Variants in GTF2A1 observed in about 807,000 individuals in gnomAD.
GTF2A1 encodes general transcription factor IIA subunit 1, also known as transcription initiation factor IIA subunit 1.
Under a neutral mutation model 54.1 loss-of-function variants are expected in GTF2A1, and 12 were observed. The ratio of observed to expected loss-of-function variants is 0.22; its 90% confidence interval spans 0.14 to 0.36. The LOEUF (loss-of-function observed/expected upper bound fraction) is 0.36, where lower values mean the gene tolerates loss of function less well. GTF2A1 is among the 10% of genes least tolerant of loss of function. GTF2A1 has a pLI of 1.00. For missense variants in GTF2A1, 335 were observed against 442.2 expected (o/e 0.76, Z 2.17); for synonymous variants, 145 against 152.0 (o/e 0.95, Z 0.34).
At chr14:81,205,895 T>C (rs775704001) in intron 2 of GTF2A1, among the ~76,000 whole-genome samples, 1 of 152,172 alleles carries the variant, frequency 6.6e-6, no homozygotes, top group Admixed American at 6.5e-5. Flanking sequence ...ACATGCTAAA[T>C]AAAACACATT....
At position 81,178,401 on chromosome 14, in the gene GTF2A1, G is replaced by C. The variant is rs1892571236; in HGVS notation, c.*1822C>G. 6.6e-6 allele frequency: 1 copy of C among 152,040 alleles called. No individual in the cohort carries two copies. Among genetic ancestry groups the C allele is most frequent in the South Asian group, 2.1e-4 (1 of 4,824 alleles). 9.4% of individuals were successfully genotyped at this position (152,040 alleles called of 1,614,324 possible). A position where few individuals can be genotyped will look rare whatever the true frequency, so the allele number is the denominator to read the frequency against. ...TAATAATATATATTTTAAAACCTCT[G>C]TGTGCTTTGAGAGTCACAGAATAAA... is the stretch of plus-strand genomic sequence containing the variant. On this transcript the variant is annotated 3_prime_UTR_variant, in exon 9 of 9. Transcript: ENST00000553612.
chr14:81,206,518 G>A (rs928752224), intron 2 of GTF2A1, among the ~76,000 whole-genome samples: 4 of 152,098 alleles, frequency 2.6e-5, no homozygotes, highest in Admixed American at 1.3e-4. Context: ...ACATTCCAGC[G>A]GACACTTGCC....
At chr14:81,190,032 A>ACCTG (rs1892840603) in intron 7 of GTF2A1, among the ~76,000 whole-genome samples, 5 of 152,018 alleles carry the variant, frequency 3.3e-5, no homozygotes, top group Non-Finnish European at 7.4e-5. Context: ...CACAATAATT[A>ACCTG]TATTAGGAAT....
chr14:81,210,823 G>A (rs1299349741), intron 2 of GTF2A1, among the ~76,000 whole-genome samples: 1 of 152,048 alleles, frequency 6.6e-6, no homozygotes, highest in African/African-American at 2.4e-5. Flanking sequence ...CCAAAGTGCT[G>A]GAATTACAGG....
In GTF2A1 at chr14:81,217,943, G is replaced by A. The variant is rs749950556; in HGVS notation, c.31-1429C>T. 3.9e-5 allele frequency among the ~76,000 whole-genome samples: 6 copies of A among 152,000 alleles called. No homozygotes were observed. In the East Asian group the frequency reaches 7.7e-4, roughly 19 times the overall value. On this transcript the variant is annotated intron_variant, in intron 1 of 8. Coordinates refer to ENST00000553612, the MANE Select transcript of GTF2A1 (RefSeq NM_015859.4). ...TAACCTGCTTTATTTTGCCAAATCC[G>A]CCTCTTGAAGTTTATTCATCTGTAA...
At chr14:81,218,838 T>TG (rs1893543311) in intron 1 of GTF2A1, among the ~76,000 whole-genome samples, 1 of 150,628 alleles carries the variant, frequency 6.6e-6, no homozygotes, top group Non-Finnish European at 1.5e-5. Context: ...TTCCCTCTAC[T>TG]CACGATTCTC....
chr14:81,178,313 AG>A lies in GTF2A1; in HGVS notation c.*1909del. 1 of 152,294 alleles carries A rather than the reference AG, an allele frequency of 6.6e-6. No individual in the cohort carries two copies. Among genetic ancestry groups the A allele is most frequent in the South Asian group, 2.1e-4 (1 of 4,826 alleles). The allele number at this position is 152,294 out of a possible 1,614,324, so 9.4% of individuals were successfully genotyped here. ...ACAAACCTACTAGCAACTATATTGA[AG>A]AACAGTTGAACAACAGCACTTCTGT... is the stretch of plus-strand genomic sequence containing the variant. On this transcript the variant is annotated 3_prime_UTR_variant, in exon 9 of 9. Coordinates refer to ENST00000553612, the MANE Select transcript of GTF2A1 (RefSeq NM_015859.4).
chr14:81,190,996 A>G (rs991518982), intron 7 of GTF2A1, among the ~76,000 whole-genome samples: 41 of 152,308 alleles, frequency 2.7e-4, no homozygotes, highest in African/African-American at 9.6e-4. Flanking sequence ...TACTTCAAGA[A>G]GCACTGAAAC....
Position 81,192,515 on chromosome 14 carries a change from T to G in GTF2A1, c.933+4A>C. ...TTATTTTAAGTATGTTACTAGAAAC[T>G]TACTTCTTCCACCTGCCCATCTTCA... is the stretch of plus-strand genomic sequence containing the variant. On this transcript the variant is annotated splice_donor_region_variant and intron_variant, in intron 7 of 8. Transcript: ENST00000553612. 1 of 1,593,778 alleles carries G rather than the reference T, an allele frequency of 6.3e-7. No homozygotes were observed. The highest frequency in any genetic ancestry group is 8.6e-7 in the Non-Finnish European group (1 of 1,168,318).
intron 8 of GTF2A1, among the ~76,000 whole-genome samples, chr14:81,181,848 A>G (rs756825208): frequency 6.6e-6 from 1 of 152,158 alleles, no homozygotes; most frequent in Non-Finnish European, 1.5e-5. Context: ...GGCCAGGTAC[A>G]GATATTTTCT....
rs1484157247 is a variant in GTF2A1, at chr14:81,220,280, T to TCCCCGCGCCGCGAGCCCTCGGCGCCC, written c.30+183_30+208dup. 7.9e-5 allele frequency among the ~76,000 whole-genome samples: 8 copies of TCCCCGCGCCGCGAGCCCTCGGCGCCC among 101,690 alleles called. 1 individual carries two copies. In the East Asian group the frequency reaches 2.7e-3, roughly 34 times the overall value. 66.7% of individuals were successfully genotyped at this position (101,690 alleles called of 152,430 possible). On this transcript the variant is annotated intron_variant, in intron 1 of 8. Coordinates refer to ENST00000553612, the MANE Select transcript of GTF2A1 (RefSeq NM_015859.4). Reference sequence around the variant, plus strand: ...CCAGGCCCCACCGGCGCCCCCGCCCTCCCCGCGCCGCGAGCCCTCGGCGCC... The same window carrying TCCCCGCGCCGCGAGCCCTCGGCGCCC: ...CCAGGCCCCACCGGCGCCCCCGCCCTCCCCGCGCCGCGAGCCCTCGGCGCCCCCCCGCGCCGCGAGCCCTCGGCGCC...
intron 7 of GTF2A1, among the ~76,000 whole-genome samples, chr14:81,192,215 A>G (rs2140153718): frequency 6.6e-6 from 1 of 152,266 alleles, no homozygotes; most frequent in Middle Eastern, 3.4e-3. Context: ...TGTTTAAGCC[A>G]CATTATAAAT....
At chr14:81,187,245 C>A (rs900561717) in intron 7 of GTF2A1, among the ~76,000 whole-genome samples, 3 of 151,510 alleles carry the variant, frequency 2.0e-5, no homozygotes, top group Non-Finnish European at 4.4e-5. Context: ...GTCCCAGCTA[C>A]TCGGGAGGCT....
At position 81,220,503 on chromosome 14, in the gene GTF2A1, T is replaced by C. The variant is rs763824221; in HGVS notation, c.16A>G (p.Asn6Asp). ...CACGTCCTTACCACGGTGTTTGTATTTGCCGAGTTCGCCATTTCCACACAC... is the reference window on the plus strand; with the variant it reads ...CACGTCCTTACCACGGTGTTTGTATCTGCCGAGTTCGCCATTTCCACACAC... The part of the protein sequence containing the change: MANSA[N>D]TNTVPKLYRS... The change falls in exon 1 of 9, where the codon AAT becomes GAT. Residue 6 changes from asparagine (N) to aspartate (D), a missense_variant. Coordinates refer to ENST00000553612, the MANE Select transcript of GTF2A1 (RefSeq NM_015859.4). 2 of 1,580,596 alleles carry C rather than the reference T, an allele frequency of 1.3e-6. No individual in the cohort carries two copies. The highest frequency in any genetic ancestry group is 1.7e-6 in the Non-Finnish European group (2 of 1,163,042).
intron 7 of GTF2A1, among the ~76,000 whole-genome samples, chr14:81,186,517 T>A (rs1892749534): frequency 6.6e-6 from 1 of 151,950 alleles, no homozygotes; most frequent in Admixed American, 6.6e-5. Context: ...GGGGCCAAGA[T>A]AAAACCTAAC....
In GTF2A1 at chr14:81,193,167, C is replaced by CT. The variant is rs766925954; in HGVS notation, c.613-329dup. On this transcript the variant is annotated intron_variant, in intron 6 of 8. Coordinates refer to ENST00000553612, the MANE Select transcript of GTF2A1 (RefSeq NM_015859.4). ...TGAGAATCTGAAAACCTGGGTCTACCTTTTTTTTTTTTTTTTATAGATGGA... is the reference window on the plus strand; with the variant it reads ...TGAGAATCTGAAAACCTGGGTCTACCTTTTTTTTTTTTTTTTTATAGATGGA... Among the ~76,000 whole-genome samples, 1,159 of 139,742 alleles carry CT rather than the reference C, an allele frequency of 8.3e-3. 15 individuals carry two copies. Among genetic ancestry groups the CT allele is most frequent in the Admixed American group, 0.038 (527 of 13,858 alleles). The allele number at this position is 139,742 out of a possible 152,430, so 91.7% of individuals were successfully genotyped here.
At position 81,215,023 on chromosome 14, in the gene GTF2A1, T is replaced by C. The variant is rs532984709; in HGVS notation, c.132+1390A>G. Reference sequence around the variant, plus strand: ...AGTTACAATGCAGAATATGAAACCATATAACTGTGAACTTTTCATACTTTT... The same window carrying C: ...AGTTACAATGCAGAATATGAAACCACATAACTGTGAACTTTTCATACTTTT... On this transcript the variant is annotated intron_variant, in intron 2 of 8. Coordinates refer to ENST00000553612, the MANE Select transcript of GTF2A1 (RefSeq NM_015859.4). Among the ~76,000 whole-genome samples the C allele has an allele frequency of 2.8e-4, 42 of 152,362 alleles. 1 individual carries two copies. In the South Asian group the frequency reaches 7.0e-3, roughly 26 times the overall value.
chr14:81,183,890 T>C (rs1892686118), intron 8 of GTF2A1, among the ~76,000 whole-genome samples: 1 of 152,304 alleles, frequency 6.6e-6, no homozygotes. Flanking sequence ...TCAAGTTGGC[T>C]CAAACAATAT....
At chr14:81,190,104 A>G (rs1892843264) in intron 7 of GTF2A1, among the ~76,000 whole-genome samples, 3 of 152,130 alleles carry the variant, frequency 2.0e-5, no homozygotes, top group Non-Finnish European at 4.4e-5. Flanking sequence ...ATGTTAATCA[A>G]CTTGAAAATT....
Sources: allele counts gnomAD v4.1 joint callset (sites outside exome capture counted in the v4.1 genomes callset), GRCh38; gene constraint gnomAD v4.1.1; transcripts MANE v1.5; gene names NCBI Gene and HGNC (gene_info 2026-07-23, HGNC 2026-07-21).